The following DPYD variants were observed in gnomAD, a reference collection of about 807,000 sequenced individuals.
DPYD encodes dihydropyrimidine dehydrogenase [NADP(+)].
A neutral mutation model predicts 116.2 loss-of-function variants in DPYD; 109 were observed. The observed-to-expected ratio is 0.94, with a 90% CI of 0.80 to 1.10. The LOEUF (loss-of-function observed/expected upper bound fraction) is 1.10. Among genes scored for constraint, DPYD ranks in the 50% least tolerant of loss-of-function variants. The pLI, the probability that DPYD is intolerant of heterozygous loss-of-function variation, is 0.00. For synonymous variants in DPYD, 440 were observed against 432.0 expected (o/e 1.02, Z -0.23); for missense variants, 1,302 against 1,254.5 (o/e 1.04, Z -0.57).
intron 2 of DPYD, among the ~76,000 whole-genome samples, chr1:97,841,299 C>G (rs981161660): frequency 2.6e-5 from 4 of 151,906 alleles, no homozygotes; most frequent in Admixed American, 2.6e-4. Flanking sequence ...CTGAACTGAT[C>G]CTTTTATGAG....
At chr1:97,791,250 T>C (rs1667304937) in intron 3 of DPYD, among the ~76,000 whole-genome samples, 1 of 152,202 alleles carries the variant, frequency 6.6e-6, no homozygotes, top group Non-Finnish European at 1.5e-5. Context: ...AAAATCATTG[T>C]GACAATCATT....
chr1:97,577,595 T>G (rs1314859748), intron 10 of DPYD, among the ~76,000 whole-genome samples: 1 of 152,184 alleles, frequency 6.6e-6, no homozygotes, highest in Non-Finnish European at 1.5e-5. Context: ...GTGCATTATG[T>G]GTACCCCTTC....
chr1:97,291,780 A>C (rs1211519556), intron 18 of DPYD, among the ~76,000 whole-genome samples: 2 of 152,150 alleles, frequency 1.3e-5, no homozygotes, highest in African/African-American at 4.8e-5. Context: ...TGGCACATGT[A>C]TACATATGTA....
At chr1:97,585,632 G>C (rs1333867476) in intron 10 of DPYD, among the ~76,000 whole-genome samples, 1 of 152,096 alleles carries the variant, frequency 6.6e-6, no homozygotes, top group Non-Finnish European at 1.5e-5. Context: ...GTTAATTCAT[G>C]TGTATTTTTC....
At chr1:97,850,842 G>A (rs12078571) in intron 2 of DPYD, among the ~76,000 whole-genome samples, 1 of 151,878 alleles carries the variant, frequency 6.6e-6, no homozygotes, top group Non-Finnish European at 1.5e-5. Context: ...TTCTATAAAT[G>A]ATATATTAAA....
intron 19 of DPYD, among the ~76,000 whole-genome samples, chr1:97,230,838 T>G (rs1661544826): frequency 6.6e-6 from 1 of 152,064 alleles, no homozygotes; most frequent in Admixed American, 6.5e-5. Flanking sequence ...ATCACATGGC[T>G]CACAAAAGAG....
intron 2 of DPYD, among the ~76,000 whole-genome samples, chr1:97,859,110 GT>G (rs1467712656): frequency 6.6e-6 from 1 of 151,676 alleles, no homozygotes; most frequent in Non-Finnish European, 1.5e-5. Flanking sequence ...ATTTTTCTGT[GT>G]TATGTTTTAT....
intron 16 of DPYD, among the ~76,000 whole-genome samples, chr1:97,370,841 C>A (rs1001710370): frequency 6.6e-6 from 1 of 152,118 alleles, no homozygotes; most frequent in Non-Finnish European, 1.5e-5. Flanking sequence ...ATACATGAGA[C>A]TACTTTTAAA....
chr1:97,136,642 T>C (rs1653824395), intron 20 of DPYD, among the ~76,000 whole-genome samples: 1 of 152,142 alleles, frequency 6.6e-6, no homozygotes. Context: ...GCTTCAGTAT[T>C]AGAAGGTCAC....
chr1:97,193,124 G>C lies in DPYD; in HGVS notation c.2567C>G (p.Thr856Ser). Residue 856 changes from threonine (T) to serine (S), a missense_variant, in exon 20 of 23, where the codon ACT (threonine) becomes AGT (serine). By Grantham distance (58) the Thr-to-Ser change is moderately conservative. Transcript: ENST00000370192. ...LQDWDGQSPA[T>S]VSHQKGKPVP... is the part of the protein sequence containing the mutation. ...TGGTTTCCCTTTCTGGTGACTCACA[G>C]TAGCTGGACTCTGTCCATCCCAGTC... 6.2e-7 allele frequency: 1 copy of C among 1,614,032 alleles called. No homozygotes were observed. The highest frequency in any genetic ancestry group is 1.1e-5 in the South Asian group (1 of 91,086).
intron 13 of DPYD, among the ~76,000 whole-genome samples, chr1:97,479,025 T>C (rs1470118744): frequency 6.6e-6 from 1 of 152,226 alleles, no homozygotes; most frequent in East Asian, 1.9e-4. Flanking sequence ...CAGATCAGCC[T>C]TTGACTTAAG....
intron 3 of DPYD, among the ~76,000 whole-genome samples, chr1:97,823,723 T>C (rs966065640): frequency 6.6e-6 from 1 of 152,144 alleles, no homozygotes; most frequent in Non-Finnish European, 1.5e-5. Context: ...ACCTACTTGT[T>C]AGCGTATCAT....
At chr1:97,811,539 T>A (rs1571397764) in intron 3 of DPYD, among the ~76,000 whole-genome samples, 1 of 152,252 alleles carries the variant, frequency 6.6e-6, no homozygotes, top group South Asian at 2.1e-4. Flanking sequence ...TATTTCAATG[T>A]AATAACCCCT....
intron 14 of DPYD, among the ~76,000 whole-genome samples, chr1:97,411,531 G>T (rs1320891613): frequency 6.6e-6 from 1 of 151,588 alleles, no homozygotes; most frequent in African/African-American, 2.4e-5. Context: ...AAAAAAAAAA[G>T]TAAAAACAAC....
intron 19 of DPYD, among the ~76,000 whole-genome samples, chr1:97,213,233 C>T (rs572505137): frequency 9.2e-5 from 14 of 152,132 alleles, no homozygotes; most frequent in Non-Finnish European, 1.9e-4. Flanking sequence ...GGGACACAAA[C>T]ATTCAATCTA....
At chr1:97,333,626 T>C (rs184470219) in intron 16 of DPYD, among the ~76,000 whole-genome samples, 1 of 148,128 alleles carries the variant, frequency 6.8e-6, no homozygotes, top group Non-Finnish European at 1.5e-5. Context: ...GTTCAAGCCA[T>C]TCTCCTGCCT....
chr1:97,134,008 AAAAAAAATATATATATATAT>A (rs1399257071), intron 20 of DPYD, among the ~76,000 whole-genome samples: 9 of 39,588 alleles, frequency 2.3e-4, no homozygotes, highest in Non-Finnish European at 3.4e-4. Context: ...CAAAAAAAAA[AAAAAAAATATATATATATAT>A]ATATATATAT....
chr1:97,656,966 ATTTT>A (rs71590230), intron 8 of DPYD, among the ~76,000 whole-genome samples: 190 of 116,492 alleles, frequency 1.6e-3, no homozygotes, highest in Admixed American at 3.5e-3. Flanking sequence ...GCATGATTGT[ATTTT>A]TTTTTTTTTT....
chr1:97,555,982 T>C (rs1459967675), intron 11 of DPYD, among the ~76,000 whole-genome samples: 1 of 152,194 alleles, frequency 6.6e-6, no homozygotes, highest in Non-Finnish European at 1.5e-5. Context: ...ACTAAACCTC[T>C]TTTCACTGAT....
Sources: allele counts gnomAD v4.1 joint callset (sites outside exome capture counted in the v4.1 genomes callset), GRCh38; gene constraint gnomAD v4.1.1; transcripts MANE v1.5; gene names NCBI Gene and HGNC (gene_info 2026-07-23, HGNC 2026-07-21).